Variants in MED27 observed in about 807,000 individuals in gnomAD.
MED27 encodes the protein mediator of RNA polymerase II transcription subunit 27.
In MED27, 30 loss-of-function variants were observed where a neutral mutation model predicts 38.2. The ratio of observed to expected loss-of-function variants is 0.79; its 90% CI spans 0.59 to 1.07. The LOEUF is 1.07. MED27 is among the 50% of genes least tolerant of loss of function. MED27 has a pLI of 0.00. For synonymous variants in MED27, 122 were observed against 153.5 expected (o/e 0.79, Z 1.52); for missense variants, 289 against 397.5 (o/e 0.73, Z 2.32).
intron 3 of MED27, among the ~76,000 whole-genome samples, chr9:131,942,185 A>T (rs1247120242): frequency 1.3e-5 from 2 of 152,172 alleles, no homozygotes; most frequent in East Asian, 1.9e-4. Flanking sequence ...ACACAGGTTG[A>T]CCACACATCA....
intron 6 of MED27, among the ~76,000 whole-genome samples, chr9:131,864,425 G>A (rs1838702093): frequency 6.6e-6 from 1 of 152,228 alleles, no homozygotes; most frequent in Non-Finnish European, 1.5e-5. Context: ...TGAGGCTACA[G>A]TGAACTGTGA....
At position 131,947,834 on chromosome 9, in the gene MED27, A is replaced by G. The variant is rs542352884; in HGVS notation, c.480-8360T>C. Among the ~76,000 whole-genome samples, 4 of 152,328 alleles carry G rather than the reference A, an allele frequency of 2.6e-5. No homozygotes were observed. In the South Asian group the frequency reaches 8.3e-4, roughly 32 times the overall value. On this transcript the variant is annotated intron_variant, in intron 3 of 7. Transcript: ENST00000292035. The stretch of plus-strand genomic sequence containing the variant: ...CATTTTCTCCACCCGTACAAAATCT[A>G]AAAGTTAGGAATGCATATATTAATA...
At position 132,079,646 on chromosome 9, in the gene MED27, G is replaced by C; in HGVS notation, c.199C>G (p.Leu67Val). Residue 67 changes from leucine (L) to valine (V), a missense_variant, in exon 1 of 8, where the codon CTC becomes GTC. Coordinates refer to ENST00000292035, the MANE Select transcript of MED27 (RefSeq NM_004269.4). Reference protein sequence around the residue: ...QDNLHSVNRDLNELERLSNLV... With the variant: ...QDNLHSVNRDVNELERLSNLV... ...GCCCCTTCAGCCGGTACCTACTTGA[G>C]GTCCCGGTTGACCGAATGTAAGTTG... The C allele has an allele frequency of 3.1e-6, 5 of 1,612,350 alleles. No individual in the cohort carries two copies. Among genetic ancestry groups the C allele is most frequent in the Non-Finnish European group, 4.2e-6 (5 of 1,179,852 alleles).
chr9:131,950,879 A>G (rs1314639062), intron 3 of MED27, among the ~76,000 whole-genome samples: 12 of 152,366 alleles, frequency 7.9e-5, no homozygotes, highest in Middle Eastern at 6.8e-3. Flanking sequence ...AGAGAAATAA[A>G]GATCCCAGAG....
chr9:131,937,470 C>T (rs1050148392), intron 4 of MED27, among the ~76,000 whole-genome samples: 1 of 152,156 alleles, frequency 6.6e-6, no homozygotes, highest in Non-Finnish European at 1.5e-5. Flanking sequence ...AGCCCCTAAA[C>T]TCTCTCATCA....
At chr9:132,060,416 A>C (rs1589295923) in intron 2 of MED27, among the ~76,000 whole-genome samples, 1 of 152,224 alleles carries the variant, frequency 6.6e-6, no homozygotes, top group Admixed American at 6.5e-5. Flanking sequence ...AATTTGATGT[A>C]GGCCAACTCT....
At chr9:131,902,861 G>C (rs1221592716) in intron 4 of MED27, among the ~76,000 whole-genome samples, 2 of 152,192 alleles carry the variant, frequency 1.3e-5, no homozygotes, top group African/African-American at 2.4e-5. Flanking sequence ...AAACCAACGT[G>C]CCAGCAAGAT....
At chr9:132,023,168 C>T (rs1177987312) in intron 2 of MED27, among the ~76,000 whole-genome samples, 1 of 152,108 alleles carries the variant, frequency 6.6e-6, no homozygotes, top group Non-Finnish European at 1.5e-5. Flanking sequence ...TAAATATTCC[C>T]ATATAAGAAA....
chr9:132,050,158 C>T (rs1029841207), intron 2 of MED27, among the ~76,000 whole-genome samples: 2 of 151,980 alleles, frequency 1.3e-5, no homozygotes, highest in Non-Finnish European at 2.9e-5. Flanking sequence ...GTCAAGTGTC[C>T]CAGGAGAAGG....
intron 2 of MED27, among the ~76,000 whole-genome samples, chr9:132,068,129 G>A (rs965027366): frequency 1.4e-4 from 21 of 152,130 alleles, no homozygotes; most frequent in Non-Finnish European, 2.9e-5. Context: ...AGACCATGAC[G>A]ACAACAACGG....
intron 4 of MED27, among the ~76,000 whole-genome samples, chr9:131,910,512 C>G (rs1830168659): frequency 6.6e-6 from 1 of 152,114 alleles, no homozygotes; most frequent in Admixed American, 6.5e-5. Context: ...TGTTTCTCAA[C>G]TCATTTACAT....
intron 3 of MED27, among the ~76,000 whole-genome samples, chr9:131,973,745 T>C (rs928489617): frequency 4.6e-5 from 7 of 152,128 alleles, no homozygotes; most frequent in African/African-American, 1.7e-4. Context: ...TCTTGCTCTG[T>C]TGCCCAGGCT....
intron 3 of MED27, among the ~76,000 whole-genome samples, chr9:131,973,804 T>C (rs2131017476): frequency 6.6e-6 from 1 of 152,080 alleles, no homozygotes; most frequent in African/African-American, 2.4e-5. Flanking sequence ...ACCTCCCGGG[T>C]TCACACCATT....
chr9:131,866,631 TTC>T (rs1436024209), intron 6 of MED27, among the ~76,000 whole-genome samples: 1 of 152,172 alleles, frequency 6.6e-6, no homozygotes, highest in East Asian at 1.9e-4. Flanking sequence ...GGCGAGGCAC[TTC>T]ATCTTTATTA....
chr9:131,959,033 GTAAGA>G (rs1170416266), intron 3 of MED27, among the ~76,000 whole-genome samples: 2 of 152,320 alleles, frequency 1.3e-5, no homozygotes, highest in African/African-American at 4.8e-5. Flanking sequence ...TACTACTGAA[GTAAGA>G]TATTTCCCTC....
intron 3 of MED27, among the ~76,000 whole-genome samples, chr9:131,975,979 C>G (rs1358230994): frequency 6.6e-6 from 1 of 152,198 alleles, no homozygotes; most frequent in Non-Finnish European, 1.5e-5. Flanking sequence ...CTAGGACATA[C>G]TCATTCCCTT....
chr9:132,067,833 T>A (rs1475018487), intron 2 of MED27, among the ~76,000 whole-genome samples: 2 of 151,332 alleles, frequency 1.3e-5, no homozygotes, highest in African/African-American at 2.4e-5. Context: ...TGCCTCAGCC[T>A]CCCCAGTAGC....
chr9:131,909,881 A>T (rs369734239), intron 4 of MED27, among the ~76,000 whole-genome samples: 3 of 152,344 alleles, frequency 2.0e-5, no homozygotes, highest in East Asian at 3.9e-4. Flanking sequence ...GGTAGCTTAA[A>T]ATTAAACTGT....
Position 131,860,480 on chromosome 9 carries a change from C to T in MED27, c.*58G>A, listed in dbSNP as rs1377505531. 7 of 1,464,010 alleles carry T rather than the reference C, an allele frequency of 4.8e-6. No homozygotes were observed. In the East Asian group the frequency reaches 1.5e-4, roughly 32 times the overall value. The allele number at this position is 1,464,010 out of a possible 1,614,324, so 90.7% of individuals were successfully genotyped here. ...AGGAACCAGCTGAGCCTTCTGTGGG[C>T]TTCCTGCGTGTCTGGGAAGGTGCTG... On this transcript the variant is annotated 3_prime_UTR_variant, in exon 8 of 8. Coordinates refer to ENST00000292035, the MANE Select transcript of MED27 (RefSeq NM_004269.4). This position sits in a 1 kb window ranked among gnomAD's most constrained non-coding sequence, Gnocchi z 5.8.
Sources: gnomAD v4.1 joint callset for allele counts (sites outside exome capture counted in the v4.1 genomes callset) on GRCh38, gnomAD v4.1.1 for gene constraint, Gnocchi (gnomAD v3.1) non-coding constraint, MANE v1.5 for transcripts, NCBI Gene and HGNC (gene_info 2026-07-23, HGNC 2026-07-21) for gene names.